GARRE1: variants seen among roughly 807,000 people sequenced by gnomAD.
The protein encoded by GARRE1 is granule associated Rac and RHOG effector 1, also known as granule associated Rac and RHOG effector protein 1.
In GARRE1, 49 loss-of-function variants were observed where a neutral mutation model predicts 103.2. That is an observed-to-expected ratio of 0.47 (90% confidence interval 0.38 to 0.60). GARRE1 has a LOEUF of 0.60. GARRE1 is among the 20% of genes least tolerant of loss of function. The probability of loss-of-function intolerance (pLI) is 0.00; values close to 1 mark genes in which losing one functional copy is unlikely to be tolerated. For synonymous variants in GARRE1, 505 were observed against 532.8 expected (o/e 0.95, Z 0.72); for missense variants, 1,199 against 1,370.5 (o/e 0.87, Z 1.98).
intron 11 of GARRE1, 106 bp from the exon 12 acceptor site, chr19:34,348,910 A>G: frequency 7.6e-7 from 1 of 1,313,596 alleles, no homozygotes; most frequent in South Asian, 1.3e-5. Flanking sequence ...AGAGACCACT[A>G]TTTGGTTATG....
At chr19:34,297,395 T>C (rs1385581349) in intron 1 of GARRE1, among the ~76,000 whole-genome samples, 1 of 151,898 alleles carries the variant, frequency 6.6e-6, no homozygotes, top group Non-Finnish European at 1.5e-5. Flanking sequence ...TTTGGAAGTA[T>C]GTAAAGTGAA....
chr19:34,337,399 A>G (rs2074166014), intron 8 of GARRE1, among the ~76,000 whole-genome samples: 1 of 152,148 alleles, frequency 6.6e-6, no homozygotes, highest in African/African-American at 2.4e-5. Context: ...TAGGATAGAG[A>G]TTCGGGGGAG....
In GARRE1 at chr19:34,299,305, C is replaced by T. The variant is rs116347987; in HGVS notation, c.-795-374C>T. The stretch of plus-strand genomic sequence containing the variant: ...TGATGCCCCATAAAGTTTATGAGTG[C>T]TGTGTGTGTCAACAGCCCTCACCAT... On this transcript the variant is annotated intron_variant, in intron 1 of 13. Transcript: ENST00000299505. 1.4e-3 allele frequency among the ~76,000 whole-genome samples: 218 copies of T among 152,272 alleles called. 2 individuals carry two copies. Among genetic ancestry groups the T allele is most frequent in the African/African-American group, 4.5e-3 (188 of 41,556 alleles).
intron 1 of GARRE1, among the ~76,000 whole-genome samples, chr19:34,270,610 A>G (rs1230220325): frequency 1.3e-5 from 2 of 152,162 alleles, no homozygotes; most frequent in Admixed American, 6.5e-5. Context: ...CTCAGCCTCT[A>G]TGGCACCCTC....
At chr19:34,296,299 C>A (rs748628671) in intron 1 of GARRE1, 58 of 739,474 alleles carry the variant, frequency 7.8e-5, no homozygotes, top group Non-Finnish European at 1.0e-4. Context: ...TTTGTAGGGG[C>A]CTGGGCACCT....
At chr19:34,262,184 C>T (rs2073722244) in intron 1 of GARRE1, among the ~76,000 whole-genome samples, 1 of 150,926 alleles carries the variant, frequency 6.6e-6, no homozygotes, top group South Asian at 2.1e-4. Context: ...GGGGTTTCAC[C>T]ATATTGGCCA....
chr19:34,336,156 A>G (rs1472519039), intron 8 of GARRE1, among the ~76,000 whole-genome samples: 1 of 151,508 alleles, frequency 6.6e-6, no homozygotes, highest in Non-Finnish European at 1.5e-5. Context: ...ATGCCTGGCT[A>G]ATTTTTAAGT....
intron 1 of GARRE1, among the ~76,000 whole-genome samples, chr19:34,266,988 A>T (rs1210033050): frequency 6.6e-6 from 1 of 152,200 alleles, no homozygotes; most frequent in East Asian, 1.9e-4. Flanking sequence ...CTTGGGCCAG[A>T]CATGGTAGTT....
chr19:34,306,721 C>T (rs1286617066), intron 2 of GARRE1, among the ~76,000 whole-genome samples: 1 of 152,186 alleles, frequency 6.6e-6, no homozygotes, highest in Non-Finnish European at 1.5e-5. Context: ...TGACATCTAT[C>T]ACTTAAATAA....
chr19:34,333,832 A>G (rs773944700), intron 8 of GARRE1, 31 bp downstream of exon 8: 1 of 1,253,106 alleles, frequency 8.0e-7, no homozygotes, highest in Non-Finnish European at 1.2e-6. Context: ...ACCGGAGCCT[A>G]AGCTCTGACT....
chr19:34,264,415 G>C (rs555890008), intron 1 of GARRE1, among the ~76,000 whole-genome samples: 3 of 151,724 alleles, frequency 2.0e-5, no homozygotes, highest in East Asian at 3.9e-4. Flanking sequence ...TTTTTGGAGG[G>C]GGGGACGGAG....
At chr19:34,301,820 C>A (rs1220233183) in intron 2 of GARRE1, among the ~76,000 whole-genome samples, 23 of 148,012 alleles carry the variant, frequency 1.6e-4, no homozygotes, top group Non-Finnish European at 9.0e-5. Context: ...GTAGCTGGGA[C>A]TACAGGCACC....
intron 2 of GARRE1, among the ~76,000 whole-genome samples, chr19:34,312,305 A>G (rs1254407256): frequency 6.6e-6 from 1 of 152,232 alleles, no homozygotes; most frequent in East Asian, 1.9e-4. Flanking sequence ...TATATGTAAC[A>G]TAAATTTTGC....
intron 1 of GARRE1, among the ~76,000 whole-genome samples, chr19:34,267,226 C>G (rs2073758060): frequency 6.6e-6 from 1 of 152,190 alleles, no homozygotes; most frequent in Admixed American, 6.5e-5. Context: ...GATCACACAA[C>G]TGCAGTACTC....
chr19:34,330,329 G>C lies in GARRE1; in HGVS notation c.1245G>C (p.Leu415=), dbSNP rs766912656. Residue 415 remains leucine, a synonymous_variant, in exon 7 of 14, where the codon CTG becomes CTC. Transcript: ENST00000299505. The part of the protein sequence containing the change: ...RGACKTAVQL[L]FGQAGLVVVD... ...CCTGCAAGACGGCGGTGCAGCTGCT[G>C]TTTGGCCAGGCTGGACTGGTGAGTG... 1 of 1,614,224 alleles carries C rather than the reference G, an allele frequency of 6.2e-7. No homozygotes were observed. The highest frequency in any genetic ancestry group is 1.7e-5 in the Admixed American group (1 of 60,028).
At chr19:34,296,152 C>CTTTTTT (rs5827899) in intron 1 of GARRE1, 2 of 283,002 alleles carry the variant, frequency 7.1e-6, no homozygotes, top group Non-Finnish European at 6.4e-6. Flanking sequence ...GGATCCCTCG[C>CTTTTTT]TTTTTTTTTT....
chr19:34,346,702 C>T (rs1402638121), intron 10 of GARRE1, among the ~76,000 whole-genome samples: 8 of 152,156 alleles, frequency 5.3e-5, no homozygotes, highest in Non-Finnish European at 8.8e-5. Flanking sequence ...CTGCAACCTC[C>T]GCCTCCCAGG....
rs75778927 is a variant in GARRE1 at position 34,353,397 on chromosome 19, C to G, written c.*442C>G. On this transcript the variant is annotated 3_prime_UTR_variant, in exon 14 of 14. Transcript: ENST00000299505. ...CCTCCTCCACACCTTGAGTGATGAC[C>G]ACACCAATCACTGTATTTTATAGCT... 2,032 of 183,390 alleles carry G rather than the reference C, an allele frequency of 0.011. 53 individuals are homozygous for G. The highest frequency in any genetic ancestry group is 0.043 in the African/African-American group (1,825 of 42,890). The allele number at this position is 183,390 out of a possible 1,614,324, so 11.4% of individuals were successfully genotyped here.
intron 3 of GARRE1, among the ~76,000 whole-genome samples, chr19:34,326,271 G>A (rs1023259699): frequency 1.3e-5 from 2 of 152,218 alleles, no homozygotes; most frequent in Non-Finnish European, 2.9e-5. Flanking sequence ...TTTTCCTGTA[G>A]TCTGCAAGTT....
Sources: allele counts gnomAD v4.1 joint callset (sites outside exome capture counted in the v4.1 genomes callset), GRCh38; gene constraint gnomAD v4.1.1; transcripts MANE v1.5; gene names NCBI Gene and HGNC (gene_info 2026-07-23, HGNC 2026-07-21).